The following CLK2 variants were observed in gnomAD, a reference collection of about 807,000 sequenced individuals.
CLK2 encodes dual specificity protein kinase CLK2.
CLK2 carries 12 observed loss-of-function variants against 73.5 expected under a neutral mutation model. The observed-to-expected ratio is 0.16, with a 90% confidence interval of 0.10 to 0.26. The LOEUF is 0.26. Ranked by LOEUF, CLK2 falls within the 10% of genes least tolerant of loss-of-function variation. CLK2 has a pLI of 1.00. For missense variants in CLK2, 509 were observed against 688.4 expected, an observed-to-expected ratio of 0.74 and a Z score of 2.92; for synonymous variants, 232 against 237.9, an observed-to-expected ratio of 0.98 and a Z score of 0.23.
Position 155,268,643 on chromosome 1 carries a change from C to T in CLK2, c.487+65G>A. On this transcript the variant is annotated intron_variant, in intron 4 of 12. Transcript: ENST00000368361. The surrounding 1 kb of genome is among the most constrained non-coding windows in gnomAD (Gnocchi z 5.6). ...GGCAAGAGGCTGTGACTCAGGTTGG[C>T]TTGGGACGTTAGGATGGCTATGGGA... 6.8e-7 allele frequency: 1 copy of T among 1,463,696 alleles called. No homozygotes were observed. The highest frequency in any genetic ancestry group is 2.3e-5 in the East Asian group (1 of 44,102). The allele number at this position is 1,463,696 out of a possible 1,614,324, so 90.7% of individuals were successfully genotyped here.
intron 6 of CLK2, among the ~76,000 whole-genome samples, chr1:155,267,423 A>G (rs940013271): frequency 6.6e-6 from 1 of 152,182 alleles, no homozygotes; most frequent in Non-Finnish European, 1.5e-5. Context: ...GTCATTTTAA[A>G]TAGTTCAAAA....
Position 155,264,737 on chromosome 1 carries a change from C to T in CLK2, c.971G>A (p.Arg324Gln), listed in dbSNP as rs749488583. The change falls in exon 9 of 13, where the codon CGG becomes CAG. Residue 324 changes from arginine (R) to glutamine (Q), a missense_variant. This residue lies in a region of CLK2 where 48 missense variants were observed against 144.9 expected (regional missense o/e 0.33). Transcript: ENST00000368361. Reference protein sequence around the residue: ...DERSVKSTAVRVVDFGSATFD... With the variant: ...DERSVKSTAVQVVDFGSATFD... ...GGTGGCACTGCCAAAGTCTACCACC[C>T]GCACAGCTGTGCTCTTCACACTGCG... 2.5e-6 allele frequency: 4 copies of T among 1,614,198 alleles called. No homozygotes were observed. Among genetic ancestry groups the T allele is most frequent in the South Asian group, 1.1e-5 (1 of 91,082 alleles).
In CLK2 at chr1:155,268,013, T is replaced by G. The variant is rs1317694393; in HGVS notation, c.668A>C (p.Lys223Thr). Reference sequence around the variant, plus strand: ...ACATACTTCCTTGCTTGCTTACTTCTTGTTGTCAGGGTCTTTCTCATTGAT... The same window carrying G: ...ACATACTTCCTTGCTTGCTTACTTCGTGTTGTCAGGGTCTTTCTCATTGAT... ...EKINEKDPDNKNLCVQMFDWF... is the reference protein window; with the variant it reads ...EKINEKDPDNTNLCVQMFDWF... The change falls in exon 6 of 13, where the codon AAG (lysine) becomes ACG (threonine). Residue 223 changes from lysine to threonine, a missense_variant. Coordinates refer to ENST00000368361, the MANE Select transcript of CLK2 (RefSeq NM_001294338.2). The surrounding 1 kb of genome is among the most constrained non-coding windows in gnomAD (Gnocchi z 5.6). 6.2e-7 allele frequency: 1 copy of G among 1,611,266 alleles called. No individual in the cohort carries two copies. The highest frequency in any genetic ancestry group is 1.7e-5 in the Admixed American group (1 of 60,004).
intron 8 of CLK2, among the ~76,000 whole-genome samples, chr1:155,265,035 T>C (rs1187636557): frequency 3.3e-5 from 5 of 152,088 alleles, no homozygotes; most frequent in Admixed American, 2.6e-4. Context: ...GTGCCAGATA[T>C]ATAGTTATTC....
chr1:155,267,931 G>T, intron 6 of CLK2, 79 bp downstream of exon 6: 1 of 946,758 alleles, frequency 1.1e-6, no homozygotes, highest in Non-Finnish European at 1.7e-6. Context: ...TCCCCTGTCT[G>T]CCTAAACCAG....
In CLK2 at chr1:155,268,890, C is replaced by T. The variant is rs1393747529; in HGVS notation, c.400-95G>A. 36 of 743,150 alleles carry T rather than the reference C, an allele frequency of 4.8e-5. 1 individual carries two copies. The highest frequency in any genetic ancestry group is 7.1e-5 in the Non-Finnish European group (30 of 425,390). The allele number at this position is 743,150 out of a possible 1,614,324, so 46.0% of individuals were successfully genotyped here. On this transcript the variant is annotated intron_variant, in intron 3 of 12. Transcript: ENST00000368361. This position sits in a 1 kb window ranked among gnomAD's most constrained non-coding sequence, Gnocchi z 5.6. The stretch of plus-strand genomic sequence containing the variant: ...TGGTAGAGGGGTCACCGGTCACAGG[C>T]GCCCAGCCAGGGGGGACAGACGATG...
chr1:155,271,504 G>A (rs1206113371), intron 1 of CLK2, among the ~76,000 whole-genome samples: 1 of 152,114 alleles, frequency 6.6e-6, no homozygotes, highest in Non-Finnish European at 1.5e-5. Context: ...GATTACAGGC[G>A]TGAGCCACCG....
At chr1:155,269,397 T>C in intron 3 of CLK2, 91 bp downstream of exon 3, 1 of 1,163,462 alleles carries the variant, frequency 8.6e-7, no homozygotes, top group Non-Finnish European at 1.3e-6. Flanking sequence ...TGCCCCAATG[T>C]TCAGCTGAGA....
chr1:155,268,865 T>TGGGGGGGGGGGGGGGG lies in CLK2; in HGVS notation c.400-71_400-70insCCCCCCCCCCCCCCCC. The TGGGGGGGGGGGGGGGG allele has an allele frequency of 4.2e-6, 2 of 479,248 alleles. No individual in the cohort carries two copies. The highest frequency in any genetic ancestry group is 5.0e-5 in the East Asian group (1 of 20,054). The allele number at this position is 479,248 out of a possible 1,614,324, so 29.7% of individuals were successfully genotyped here. ...GGGGGCCGGAGGGAGGCGGGGTGGG[T>TGGGGGGGGGGGGGGGG]GGTAGAGGGGTCACCGGTCACAGGC... On this transcript the variant is annotated intron_variant, in intron 3 of 12. Transcript: ENST00000368361. This position sits in a 1 kb window ranked among gnomAD's most constrained non-coding sequence, Gnocchi z 5.6.
rs1470476997 is a variant in CLK2, at chr1:155,268,830, G to A, written c.400-35C>T. Reference sequence around the variant, plus strand: ...GGCAGGGGGGGTCGGAGCAAGCCAGGTGTCGGAGCGGGGGCCGGAGGGAGG... The same window carrying A: ...GGCAGGGGGGGTCGGAGCAAGCCAGATGTCGGAGCGGGGGCCGGAGGGAGG... On this transcript the variant is annotated intron_variant, in intron 3 of 12. Transcript: ENST00000368361. This position sits in a 1 kb window ranked among gnomAD's most constrained non-coding sequence, Gnocchi z 5.6. The A allele has an allele frequency of 4.1e-6, 6 of 1,474,568 alleles. No individual in the cohort carries two copies. Among genetic ancestry groups the A allele is most frequent in the Non-Finnish European group, 4.7e-6 (5 of 1,062,870 alleles). The allele number at this position is 1,474,568 out of a possible 1,614,324, so 91.3% of individuals were successfully genotyped here.
In CLK2 at chr1:155,264,020, C is replaced by T; in HGVS notation, c.1247G>A (p.Arg416Gln). 1.9e-6 allele frequency: 3 copies of T among 1,614,100 alleles called. No homozygotes were observed. The highest frequency in any genetic ancestry group is 2.5e-6 in the Non-Finnish European group (3 of 1,179,976). Residue 416 changes from arginine to glutamine, a missense_variant, in exon 12 of 13, where the codon CGG (arginine) becomes CAG (glutamine). By Grantham distance (43) the Arg-to-Gln change is conservative. Transcript: ENST00000368361. ...RKTRKQKYFY[R>Q]GRLDWDENTS... ...GTTCTCATCCCAATCCAGGCGACCC[C>T]GGTAAAAATATTTCTGCTTTCTAGA...
chr1:155,272,956 A>G (rs1305127258), intron 1 of CLK2, among the ~76,000 whole-genome samples: 1 of 152,066 alleles, frequency 6.6e-6, no homozygotes, highest in Non-Finnish European at 1.5e-5. Flanking sequence ...CATCTCTGGA[A>G]CCACTCCCAT....
chr1:155,266,957 C>T lies in CLK2; in HGVS notation c.672-62G>A, dbSNP rs1425267836. 3.2e-6 allele frequency: 5 copies of T among 1,570,732 alleles called. No homozygotes were observed. In the African/African-American group the frequency reaches 5.5e-5, roughly 17 times the overall value. On this transcript the variant is annotated intron_variant, in intron 6 of 12. Transcript: ENST00000368361. ...GAGCTCCCATCTGCCCATCAGCCATCCAACAAGGAGGTACTTCATAGCTGT... is the reference window on the plus strand; with the variant it reads ...GAGCTCCCATCTGCCCATCAGCCATTCAACAAGGAGGTACTTCATAGCTGT...
At position 155,264,032 on chromosome 1, in the gene CLK2, T is replaced by A. The variant is rs139015683; in HGVS notation, c.1235A>T (p.Lys412Ile). 6 of 1,613,914 alleles carry A rather than the reference T, an allele frequency of 3.7e-6. No individual in the cohort carries two copies. Among genetic ancestry groups the A allele is most frequent in the Non-Finnish European group, 5.1e-6 (6 of 1,179,924 alleles). ...ATCCAGGCGACCCCGGTAAAAATATTTCTGCTTTCTAGAGGGGAAGGGGAG... is the reference window on the plus strand; with the variant it reads ...ATCCAGGCGACCCCGGTAAAAATATATCTGCTTTCTAGAGGGGAAGGGGAG... ...SRMIRKTRKQ[K>I]YFYRGRLDWD... is the part of the protein sequence containing the mutation. The change falls in exon 12 of 13, where the codon AAA (lysine) becomes ATA (isoleucine). Residue 412 changes from lysine to isoleucine, a missense_variant. By Grantham distance (102) the Lys-to-Ile change is moderately radical (BLOSUM62 -3). Coordinates refer to ENST00000368361, the MANE Select transcript of CLK2 (RefSeq NM_001294338.2).
At chr1:155,271,812 G>C (rs1673522252) in intron 1 of CLK2, among the ~76,000 whole-genome samples, 1 of 152,140 alleles carries the variant, frequency 6.6e-6, no homozygotes, top group Non-Finnish European at 1.5e-5. Flanking sequence ...AGTCTCCCAG[G>C]TTTCTACATA....
chr1:155,268,622 A>C lies in CLK2; in HGVS notation c.487+86T>G. On this transcript the variant is annotated intron_variant, in intron 4 of 12. Transcript: ENST00000368361. The surrounding 1 kb of genome is among the most constrained non-coding windows in gnomAD (Gnocchi z 5.6). The stretch of plus-strand genomic sequence containing the variant: ...TAAACAACACCACTGAGAAAAGGCA[A>C]GAGGCTGTGACTCAGGTTGGCTTGG... 51 of 1,249,826 alleles carry C rather than the reference A, an allele frequency of 4.1e-5. No individual in the cohort carries two copies. Among genetic ancestry groups the C allele is most frequent in the Middle Eastern group, 1.9e-4 (1 of 5,346 alleles). 77.4% of individuals were successfully genotyped at this position (1,249,826 alleles called of 1,614,324 possible).
intron 11 of CLK2, 74 bp from the exon 12 acceptor site, chr1:155,264,114 TA>T: frequency 6.5e-7 from 1 of 1,544,542 alleles, no homozygotes; most frequent in East Asian, 2.2e-5. Context: ...CATCTGAAAG[TA>T]ACTGGGGGGA....
chr1:155,267,878 T>A, intron 6 of CLK2, 132 bp downstream of exon 6: 1 of 702,688 alleles, frequency 1.4e-6, no homozygotes, highest in Non-Finnish European at 2.5e-6. Flanking sequence ...TCTACTACTC[T>A]AAGATGATGA....
At chr1:155,264,348 A>G (rs1273320101) in intron 10 of CLK2, 48 bp from the exon 11 acceptor site, 3 of 1,608,932 alleles carry the variant, frequency 1.9e-6, no homozygotes, top group East Asian at 2.2e-5. Context: ...AGGGCATGCT[A>G]AGGATCAGCT....
Sources: gnomAD v4.1 joint callset for allele counts (sites outside exome capture counted in the v4.1 genomes callset) on GRCh38, gnomAD v4.1.1 for gene constraint, gnomAD v4.1.1 regional missense constraint, Gnocchi (gnomAD v3.1) non-coding constraint, MANE v1.5 for transcripts, NCBI Gene and HGNC (gene_info 2026-07-23, HGNC 2026-07-21) for gene names.